PRSS27: variants seen among roughly 807,000 people sequenced by gnomAD.
The protein encoded by PRSS27 is channel-activating protease 2.
A neutral mutation model predicts 32.0 loss-of-function variants in PRSS27; 25 were observed. The observed-to-expected ratio is 0.78, with a 90% CI of 0.57 to 1.09. The LOEUF is 1.09. PRSS27 is among the 50% of genes least tolerant of loss of function. PRSS27 has a pLI of 0.00. For missense variants in PRSS27, 401 were observed against 394.9 expected (o/e 1.02, Z -0.13); for synonymous variants, 178 against 172.2 (o/e 1.03, Z -0.26).
chr16:2,718,755 T>A (rs570521332), intron 1 of PRSS27, among the ~76,000 whole-genome samples: 2 of 152,324 alleles, frequency 1.3e-5, no homozygotes, highest in South Asian at 4.1e-4. Flanking sequence ...GAGCTCTGTC[T>A]ACATCACCCT....
Position 2,720,153 on chromosome 16 carries a change from C to A in PRSS27, c.8G>T (p.Arg3Leu). ...CAGCAGGAGCGGCACCGCCGCCGGC[C>A]GCCTCATGTCCTCAGGCCTGGCTGG... MR[R>L]PAAVPLLLLL... Residue 3 changes from arginine to leucine, a missense_variant, in exon 1 of 6, where the codon CGG (arginine) becomes CTG (leucine). Transcript: ENST00000302641. 6.2e-7 allele frequency: 1 copy of A among 1,600,444 alleles called. No homozygotes were observed. Among genetic ancestry groups the A allele is most frequent in the Non-Finnish European group, 8.5e-7 (1 of 1,173,878 alleles).
intron 1 of PRSS27, among the ~76,000 whole-genome samples, chr16:2,719,400 G>A (rs1479636010): frequency 1.3e-5 from 2 of 152,158 alleles, no homozygotes; most frequent in Admixed American, 1.3e-4. Context: ...GTGACTTGAG[G>A]ACAGGGAAGT....
Position 2,715,781 on chromosome 16 carries a change from T to C in PRSS27, c.173A>G (p.His58Arg), listed in dbSNP as rs1036338750. The C allele has an allele frequency of 4.4e-6, 7 of 1,599,326 alleles. No individual in the cohort carries two copies. The highest frequency in any genetic ancestry group is 1.1e-5 in the South Asian group (1 of 89,072). ...WQVSIQRNGS[H>R]FCGGSLIAEQ... Reference sequence around the variant, plus strand: ...CGCGATGAGGCTGCCCCCGCAGAAGTGGCTTCCGTTGCGCTGGATGCTGAC... The same window carrying C: ...CGCGATGAGGCTGCCCCCGCAGAAGCGGCTTCCGTTGCGCTGGATGCTGAC... Residue 58 changes from histidine (H) to arginine (R), a missense_variant, in exon 3 of 6, where the codon CAC becomes CGC. His to Arg is a conservative substitution (Grantham distance 29). Coordinates refer to ENST00000302641, the MANE Select transcript of PRSS27 (RefSeq NM_031948.5).
Position 2,712,568 on chromosome 16 carries a change from C to G in PRSS27, c.*52G>C. The G allele has an allele frequency of 6.7e-7, 1 of 1,483,898 alleles. No homozygotes were observed. The highest frequency in any genetic ancestry group is 1.2e-5 in the South Asian group (1 of 80,884). 91.9% of individuals were successfully genotyped at this position (1,483,898 alleles called of 1,614,324 possible). A position where few individuals can be genotyped will look rare whatever the true frequency, so the allele number is the denominator to read the frequency against. On this transcript the variant is annotated 3_prime_UTR_variant, in exon 6 of 6. Coordinates refer to ENST00000302641, the MANE Select transcript of PRSS27 (RefSeq NM_031948.5). The surrounding 1 kb of genome is among the most constrained non-coding windows in gnomAD (Gnocchi z 4.6). ...GGGAGGACCAGCAGGATGGTGTGGG[C>G]GGGCAGGCTGGGTGCAGAGCTCTGC...
intron 1 of PRSS27, among the ~76,000 whole-genome samples, chr16:2,718,682 T>C (rs1309843370): frequency 1.3e-5 from 2 of 152,182 alleles, no homozygotes; most frequent in Admixed American, 1.3e-4. Flanking sequence ...AAGCCTTCCT[T>C]GCTTGCTTGC....
intron 4 of PRSS27, 89 bp from the exon 5 acceptor site, chr16:2,713,787 G>T (rs957723719): frequency 7.1e-7 from 1 of 1,402,322 alleles, no homozygotes; most frequent in Non-Finnish European, 9.9e-7. Flanking sequence ...CCTGCCTGTC[G>T]TTTCCTCATG....
Sources: allele counts gnomAD v4.1 joint callset (sites outside exome capture counted in the v4.1 genomes callset), GRCh38; gene constraint gnomAD v4.1.1; non-coding constraint Gnocchi (gnomAD v3.1); transcripts MANE v1.5; gene names NCBI Gene and HGNC (gene_info 2026-07-23, HGNC 2026-07-21).